The following CUX1 variants were observed in gnomAD, a reference collection of about 807,000 sequenced individuals.
CUX1 encodes the protein cut like homeobox 1, also known as protein CASP.
Under a neutral mutation model 158.8 loss-of-function variants are expected in CUX1, and 31 were observed. That is an observed-to-expected ratio of 0.20 (90% CI 0.15 to 0.26). The LOEUF is 0.26. Among genes scored for constraint, CUX1 ranks in the 10% least tolerant of loss-of-function variants. CUX1 has a pLI of 1.00. For synonymous variants in CUX1, 879 were observed against 862.1 expected (o/e 1.02, Z -0.34); for missense variants, 1,589 against 2,014.6 (o/e 0.79, Z 4.04).
chr7:102,040,264 G>T (rs912722831), intron 3 of CUX1, among the ~76,000 whole-genome samples: 40 of 152,182 alleles, frequency 2.6e-4, no homozygotes, highest in Non-Finnish European at 3.5e-4. Flanking sequence ...ATCCAGGGAG[G>T]CCTCTCCAGG....
At chr7:101,876,649 C>T (rs1304002567) in intron 1 of CUX1, among the ~76,000 whole-genome samples, 1 of 151,584 alleles carries the variant, frequency 6.6e-6, no homozygotes, top group Non-Finnish European at 1.5e-5. Flanking sequence ...GAGTTGAGAT[C>T]GGGCCACTGT....
chr7:102,258,299 G>A (rs1202026202), downstream of CUX1: 4 of 599,588 alleles, frequency 6.7e-6, no homozygotes, highest in African/African-American at 4.0e-5. Flanking sequence ...ACTGTCATTC[G>A]AGGTCCAAAG....
At position 102,250,488 on chromosome 7, in the gene CUX1, C is replaced by T. The variant is rs529678331; in HGVS notation, c.*1446C>T. On this transcript the variant is annotated 3_prime_UTR_variant, in exon 24 of 24. Coordinates refer to ENST00000292535, the MANE Select transcript of CUX1 (RefSeq NM_181552.4). ...CTCTTCTTTCCCTTTTTCTTCCCAC[C>T]GCAAGCACTGATGACCCTGTTGAAC... is the stretch of plus-strand genomic sequence containing the variant. 3.0e-6 allele frequency: 3 copies of T among 985,466 alleles called. No individual in the cohort carries two copies. In the East Asian group the frequency reaches 3.4e-4, roughly 112 times the overall value. 61.0% of individuals were successfully genotyped at this position (985,466 alleles called of 1,614,324 possible).
chr7:102,152,940 T>TA (rs1835857048), intron 8 of CUX1, among the ~76,000 whole-genome samples: 1 of 152,212 alleles, frequency 6.6e-6, no homozygotes, highest in Non-Finnish European at 1.5e-5. Context: ...CAGTCCTTGT[T>TA]ATCACATTCA....
At chr7:101,872,022 A>AAC (rs1798617939) in intron 1 of CUX1, among the ~76,000 whole-genome samples, 2 of 149,580 alleles carry the variant, frequency 1.3e-5, no homozygotes, top group African/African-American at 4.9e-5. Context: ...CATCCCCCCA[A>AAC]AAAAAAAAAA....
At chr7:101,988,150 T>C (rs950559417) in intron 2 of CUX1, among the ~76,000 whole-genome samples, 1 of 151,860 alleles carries the variant, frequency 6.6e-6, no homozygotes, top group African/African-American at 2.4e-5. Context: ...AGGCAGAGGT[T>C]GCAGTGAGCT....
chr7:102,120,214 CA>C (rs1319413018), intron 8 of CUX1, among the ~76,000 whole-genome samples: 1 of 151,404 alleles, frequency 6.6e-6, no homozygotes, highest in African/African-American at 2.4e-5. Context: ...GTGTTCTGGG[CA>C]AAAATGCAGG....
At chr7:101,958,817 C>A (rs2129171200) in intron 2 of CUX1, among the ~76,000 whole-genome samples, 1 of 139,828 alleles carries the variant, frequency 7.2e-6, no homozygotes, top group Non-Finnish European at 1.5e-5. Flanking sequence ...AGAGAGAATT[C>A]CTTTTCTGTC....
intron 1 of CUX1, among the ~76,000 whole-genome samples, chr7:101,863,302 G>A (rs1381116820): frequency 1.3e-5 from 2 of 151,164 alleles, no homozygotes; most frequent in Admixed American, 6.6e-5. Flanking sequence ...CAAGAGTCCC[G>A]CTGGGACTGG....
At chr7:102,117,947 G>GT (rs1554492311) in intron 8 of CUX1, among the ~76,000 whole-genome samples, 1 of 152,164 alleles carries the variant, frequency 6.6e-6, no homozygotes, top group Non-Finnish European at 1.5e-5. Flanking sequence ...AGTTCCCAGA[G>GT]TAAGTCATCC....
At chr7:101,816,235 C>A (rs1371848534), upstream of CUX1, 4 of 161,026 alleles carry the variant, frequency 2.5e-5, no homozygotes, top group Admixed American at 2.0e-4. Flanking sequence ...ACCGCGGGGC[C>A]GAGTCGGGGC....
At chr7:102,009,176 A>ATG (rs1232401902) in intron 2 of CUX1, among the ~76,000 whole-genome samples, 1 of 152,172 alleles carries the variant, frequency 6.6e-6, no homozygotes, top group African/African-American at 2.4e-5. Context: ...CTCAGGTGCA[A>ATG]TGTATAACCT....
intron 11 of CUX1, among the ~76,000 whole-genome samples, chr7:102,181,998 C>G (rs1586087527): frequency 6.6e-6 from 1 of 152,260 alleles, no homozygotes; most frequent in African/African-American, 2.4e-5. Flanking sequence ...TCAAAGAACT[C>G]ACCTTTACTT....
chr7:102,167,436 T>G (rs1791175107), intron 9 of CUX1, among the ~76,000 whole-genome samples: 1 of 152,174 alleles, frequency 6.6e-6, no homozygotes, highest in Admixed American at 6.5e-5. Flanking sequence ...CGGGGACACC[T>G]TGTAACCAGA....
intron 11 of CUX1, among the ~76,000 whole-genome samples, chr7:102,180,420 G>A (rs1024017860): frequency 2.7e-5 from 4 of 149,614 alleles, no homozygotes; most frequent in Non-Finnish European, 4.4e-5. Flanking sequence ...GGGCTCAAGC[G>A]ATTCTCCTTG....
At position 101,922,512 on chromosome 7, in the gene CUX1, GC is replaced by G. The variant is rs1165404516; in HGVS notation, c.141+6288del. 2.6e-5 allele frequency among the ~76,000 whole-genome samples: 4 copies of G among 152,178 alleles called. No homozygotes were observed. The East Asian group carries it at 7.7e-4, about 29-fold the overall frequency. On this transcript the variant is annotated intron_variant, in intron 2 of 23. Transcript: ENST00000292535. ...AATGCACGTTTGCAGTTTCTGGGGG[GC>G]TCCCAGACACTCATCCATGCAGCCT...
intron 2 of CUX1, among the ~76,000 whole-genome samples, chr7:101,938,264 C>T (rs1253026785): frequency 2.6e-5 from 4 of 152,100 alleles, no homozygotes; most frequent in South Asian, 2.1e-4. Context: ...AGGCGTGTGC[C>T]ACCACACCCA....
At chr7:101,844,503 G>A (rs1348083784) in intron 1 of CUX1, among the ~76,000 whole-genome samples, 4 of 152,126 alleles carry the variant, frequency 2.6e-5, no homozygotes, top group Admixed American at 2.6e-4. Context: ...AGAGAGTCAC[G>A]GTTGAGAAAT....
intron 3 of CUX1, among the ~76,000 whole-genome samples, chr7:102,036,074 T>C (rs2129350318): frequency 1.3e-5 from 2 of 152,174 alleles, no homozygotes; most frequent in East Asian, 1.9e-4. Context: ...GGTTCACATA[T>C]TACATTTGTG....
Sources: allele counts gnomAD v4.1 joint callset (sites outside exome capture counted in the v4.1 genomes callset), GRCh38; gene constraint gnomAD v4.1.1; transcripts MANE v1.5; gene names NCBI Gene and HGNC (gene_info 2026-07-23, HGNC 2026-07-21).